The following TACR1 variants were observed in gnomAD, a reference collection of about 807,000 sequenced individuals.
The protein encoded by TACR1 is substance-P receptor.
In TACR1, 25 loss-of-function variants were observed where a neutral mutation model predicts 35.8. The ratio of observed to expected loss-of-function variants is 0.70; its 90% CI spans 0.51 to 0.98. The LOEUF (loss-of-function observed/expected upper bound fraction) is 0.98, where lower values mean the gene tolerates loss of function less well. Among genes scored for constraint, TACR1 ranks in the 50% least tolerant of loss-of-function variants. The probability of loss-of-function intolerance (pLI) is 0.00; values close to 1 mark genes in which losing one functional copy is unlikely to be tolerated. For synonymous variants in TACR1, 195 were observed against 206.7 expected, an observed-to-expected ratio of 0.94 and a Z score of 0.48; for missense variants, 478 against 522.9, an observed-to-expected ratio of 0.91 and a Z score of 0.84.
intron 2 of TACR1, among the ~76,000 whole-genome samples, chr2:75,084,007 T>G (rs1673142828): frequency 1.3e-5 from 2 of 152,178 alleles, no homozygotes; most frequent in South Asian, 2.1e-4. Context: ...CTTGTGCCAG[T>G]TTTCAAAGGG....
chr2:75,083,486 A>G (rs573631329), intron 2 of TACR1, among the ~76,000 whole-genome samples: 3,248 of 152,122 alleles, frequency 0.021, 115 homozygotes, highest in African/African-American at 0.073. Flanking sequence ...GCTTGATGGG[A>G]ATGGCATTGA....
chr2:75,119,128 T>G (rs2103904641), intron 2 of TACR1, among the ~76,000 whole-genome samples: 1 of 152,342 alleles, frequency 6.6e-6, no homozygotes, highest in East Asian at 1.9e-4. Flanking sequence ...CTTTCAGCCC[T>G]CAAAGCTTGG....
intron 1 of TACR1, among the ~76,000 whole-genome samples, chr2:75,153,930 C>G (rs1674735437): frequency 6.6e-6 from 1 of 152,178 alleles, no homozygotes; most frequent in African/African-American, 2.4e-5. Context: ...GTGGGCAGCA[C>G]TATTGAGCTT....
At chr2:75,190,730 T>C (rs1558587982) in intron 1 of TACR1, among the ~76,000 whole-genome samples, 1 of 152,198 alleles carries the variant, frequency 6.6e-6, no homozygotes, top group Non-Finnish European at 1.5e-5. Flanking sequence ...ATAGGTTAAA[T>C]ACCTTGCATA....
At chr2:75,084,712 T>C (rs1461016064) in intron 2 of TACR1, among the ~76,000 whole-genome samples, 1 of 152,100 alleles carries the variant, frequency 6.6e-6, no homozygotes, top group Non-Finnish European at 1.5e-5. Context: ...AGTTTATTTG[T>C]GTAGAGGTGT....
At chr2:75,114,478 C>T (rs752279117) in intron 2 of TACR1, among the ~76,000 whole-genome samples, 11 of 152,214 alleles carry the variant, frequency 7.2e-5, no homozygotes, top group Non-Finnish European at 1.0e-4. Context: ...TCCTCAGGGG[C>T]ATTGCCCTAG....
chr2:75,121,928 A>G lies in TACR1; in HGVS notation c.390-1160T>C, dbSNP rs75487944. Among the ~76,000 whole-genome samples the G allele has an allele frequency of 5.3e-3, 803 of 152,302 alleles. 10 individuals carry two copies. Among genetic ancestry groups the G allele is most frequent in the African/African-American group, 0.018 (767 of 41,554 alleles). ...GTCAGCTGGCTCCACATCGTTCCAC[A>G]TAATTCTTTTACTGTATTCTTTGGA... is the stretch of plus-strand genomic sequence containing the variant. On this transcript the variant is annotated intron_variant, in intron 1 of 4. Coordinates refer to ENST00000305249, the MANE Select transcript of TACR1 (RefSeq NM_001058.4).
At chr2:75,109,061 C>T (rs1673703087) in intron 2 of TACR1, among the ~76,000 whole-genome samples, 1 of 152,136 alleles carries the variant, frequency 6.6e-6, no homozygotes, top group African/African-American at 2.4e-5. Flanking sequence ...GGAAGAACAA[C>T]CTGTTTGGGA....
chr2:75,120,771 G>C lies in TACR1; in HGVS notation c.390-3C>G, dbSNP rs773376767. Reference sequence around the variant, plus strand: ...GGGGATGTATGATGGCCATGTACCTGGAACAGAGAAGAAAGAACAAAGTTC... The same window carrying C: ...GGGGATGTATGATGGCCATGTACCTCGAACAGAGAAGAAAGAACAAAGTTC... On this transcript the variant is annotated splice_polypyrimidine_tract_variant and splice_region_variant and intron_variant, in intron 1 of 4. Transcript: ENST00000305249. 1.3e-6 allele frequency: 2 copies of C among 1,595,346 alleles called. No homozygotes were observed. The highest frequency in any genetic ancestry group is 1.7e-6 in the Non-Finnish European group (2 of 1,170,506).
chr2:75,055,522 G>A (rs910131145), intron 2 of TACR1, among the ~76,000 whole-genome samples: 8 of 152,234 alleles, frequency 5.3e-5, no homozygotes. Flanking sequence ...TAAGCAAAAT[G>A]TTTGGAGACT....
chr2:75,167,659 T>G (rs1309728770), intron 1 of TACR1, among the ~76,000 whole-genome samples: 2 of 152,128 alleles, frequency 1.3e-5, no homozygotes, highest in African/African-American at 4.8e-5. Context: ...GCAAATATCT[T>G]GGGGTGACAG....
chr2:75,113,532 C>CCT (rs1673791802), intron 2 of TACR1, among the ~76,000 whole-genome samples: 10 of 92,080 alleles, frequency 1.1e-4, no homozygotes, highest in African/African-American at 4.5e-4. Flanking sequence ...TTTCTTCTTC[C>CCT]TTTTTTTTTT....
chr2:75,055,642 G>C (rs1672554240), intron 2 of TACR1, among the ~76,000 whole-genome samples: 1 of 152,264 alleles, frequency 6.6e-6, no homozygotes, highest in African/African-American at 2.4e-5. Flanking sequence ...CATGTTAGCT[G>C]AGCTTTGCCG....
chr2:75,179,128 T>A (rs1253903990), intron 1 of TACR1, among the ~76,000 whole-genome samples: 1 of 152,236 alleles, frequency 6.6e-6, no homozygotes, highest in Non-Finnish European at 1.5e-5. Context: ...ATTTCTGTTC[T>A]TGAACCTATT....
intron 1 of TACR1, among the ~76,000 whole-genome samples, chr2:75,121,384 G>A (rs536628043): frequency 2.0e-5 from 3 of 152,136 alleles, no homozygotes; most frequent in Admixed American, 6.5e-5. Flanking sequence ...AGAGAAAGAC[G>A]GTCTCCACCT....
intron 2 of TACR1, among the ~76,000 whole-genome samples, chr2:75,092,971 A>G (rs1225061154): frequency 6.6e-6 from 1 of 152,350 alleles, no homozygotes; most frequent in East Asian, 1.9e-4. Flanking sequence ...ACTTATCTAC[A>G]GGAAAAGTTA....
chr2:75,068,439 G>A (rs546426101), intron 2 of TACR1, among the ~76,000 whole-genome samples: 4 of 152,206 alleles, frequency 2.6e-5, no homozygotes, highest in Admixed American at 6.5e-5. Context: ...CAGGTGACAC[G>A]CAAAATTAAC....
intron 1 of TACR1, among the ~76,000 whole-genome samples, chr2:75,184,941 T>A (rs1399624216): frequency 6.6e-6 from 1 of 151,904 alleles, no homozygotes; most frequent in East Asian, 1.9e-4. Context: ...AATTTCTAAA[T>A]TTAATGCATC....
chr2:75,086,885 A>G (rs939391331), intron 2 of TACR1, among the ~76,000 whole-genome samples: 2 of 152,166 alleles, frequency 1.3e-5, no homozygotes, highest in African/African-American at 2.4e-5. Flanking sequence ...GTCATTGTCA[A>G]TGTGACAATG....
Sources: gnomAD v4.1 joint callset for allele counts (sites outside exome capture counted in the v4.1 genomes callset) on GRCh38, gnomAD v4.1.1 for gene constraint, MANE v1.5 for transcripts, NCBI Gene and HGNC (gene_info 2026-07-23, HGNC 2026-07-21) for gene names.